CHL1: variants seen among roughly 807,000 people sequenced by gnomAD.
CHL1 encodes the protein neural cell adhesion molecule L1-like protein.
A neutral mutation model predicts 141.9 loss-of-function variants in CHL1; 96 were observed. The observed-to-expected ratio is 0.68, with a 90% confidence interval of 0.57 to 0.80. CHL1 has a LOEUF of 0.80. CHL1 is among the 30% of genes least tolerant of loss of function. CHL1 has a pLI of 0.00. For synonymous variants in CHL1, 613 were observed against 502.2 expected, an observed-to-expected ratio of 1.22 and a Z score of -2.95; for missense variants, 1,820 against 1,457.2, an observed-to-expected ratio of 1.25 and a Z score of -4.05.
intron 1 of CHL1, among the ~76,000 whole-genome samples, chr3:208,233 CTAT>C (rs1157514152): frequency 1.3e-5 from 2 of 152,188 alleles, no homozygotes; most frequent in African/African-American, 2.4e-5. Context: ...AAGGTGCCAG[CTAT>C]TATTATTACT....
Position 399,102 on chromosome 3 carries a change from A to T in CHL1, c.3339A>T (p.Leu1113Phe). 1.2e-6 allele frequency: 2 copies of T among 1,608,626 alleles called. No homozygotes were observed. The highest frequency in any genetic ancestry group is 1.7e-6 in the Non-Finnish European group (2 of 1,175,020). Reference protein sequence around the residue: ...MCAIALLTLLLLTVCFVKRNR... With the variant: ...MCAIALLTLLFLTVCFVKRNR... ...CGATTGCTCTTCTCACACTACTATTATTAACTGTTTGCTTTGTGAAGAGGA... is the reference window on the plus strand; with the variant it reads ...CGATTGCTCTTCTCACACTACTATTTTTAACTGTTTGCTTTGTGAAGAGGA... The change falls in exon 26 of 28, where the codon TTA (leucine) becomes TTT (phenylalanine). Residue 1113 changes from leucine (L) to phenylalanine (F), a missense_variant. By Grantham distance (22) the Leu-to-Phe change is conservative. Coordinates refer to ENST00000256509, the MANE Select transcript of CHL1 (RefSeq NM_006614.4).
At chr3:211,521 G>A (rs779566304) in intron 1 of CHL1, among the ~76,000 whole-genome samples, 8 of 152,098 alleles carry the variant, frequency 5.3e-5, no homozygotes, top group Admixed American at 1.3e-4. Context: ...CTACTTCTCT[G>A]TTTCTCCAGA....
chr3:375,879 A>T (rs146601598), intron 15 of CHL1, among the ~76,000 whole-genome samples: 1 of 152,322 alleles, frequency 6.6e-6, no homozygotes, highest in Non-Finnish European at 1.5e-5. Context: ...TCGTTTTGTC[A>T]TAGTGCCTTC....
At chr3:225,444 G>A (rs1701229682) in intron 1 of CHL1, among the ~76,000 whole-genome samples, 2 of 152,188 alleles carry the variant, frequency 1.3e-5, no homozygotes, top group African/African-American at 4.8e-5. Context: ...AAATTAGAGA[G>A]ACATCCAATA....
intron 1 of CHL1, chr3:213,382 T>C (rs954838308): frequency 1.3e-5 from 2 of 152,198 alleles, no homozygotes; most frequent in African/African-American, 4.8e-5. Context: ...TGTTCCCACA[T>C]ATGAACATTA....
chr3:296,487 C>A (rs1480255362), intron 2 of CHL1, among the ~76,000 whole-genome samples: 2 of 151,858 alleles, frequency 1.3e-5, no homozygotes, highest in Non-Finnish European at 2.9e-5. Flanking sequence ...CTGACCTCTT[C>A]ATGAATTTAG....
chr3:250,361 G>T (rs113622022), intron 2 of CHL1, among the ~76,000 whole-genome samples: 6 of 152,240 alleles, frequency 3.9e-5, no homozygotes, highest in Non-Finnish European at 4.4e-5. Context: ...TTAACTAAGG[G>T]TGATAAATTG....
At position 399,079 on chromosome 3, in the gene CHL1, A is replaced by G. The variant is rs766974177; in HGVS notation, c.3316A>G (p.Ile1106Val). ...QGWFIGLMCA[I>V]ALLTLLLLTV... ...CTGGTTTATTGGACTGATGTGTGCG[A>G]TTGCTCTTCTCACACTACTATTATT... The change falls in exon 26 of 28, where the codon ATT (isoleucine) becomes GTT (valine). Residue 1106 changes from isoleucine (I) to valine (V), a missense_variant. By Grantham distance (29) the Ile-to-Val change is conservative. Transcript: ENST00000256509. The G allele has an allele frequency of 3.1e-6, 5 of 1,608,238 alleles. No homozygotes were observed. The South Asian group carries it at 4.4e-5, about 14-fold the overall frequency.
chr3:305,191 G>A (rs1021893706), intron 2 of CHL1, among the ~76,000 whole-genome samples: 7 of 152,092 alleles, frequency 4.6e-5, no homozygotes, highest in African/African-American at 1.7e-4. Flanking sequence ...AAGGAAGAAA[G>A]TATCATGGCT....
At chr3:321,854 G>T (rs1488560272) in intron 3 of CHL1, among the ~76,000 whole-genome samples, 1 of 151,984 alleles carries the variant, frequency 6.6e-6, no homozygotes, top group African/African-American at 2.4e-5. Flanking sequence ...CAAGGAGTCT[G>T]GTGTCTCTGT....
At chr3:307,285 C>G (rs1699324694) in intron 2 of CHL1, among the ~76,000 whole-genome samples, 4 of 152,176 alleles carry the variant, frequency 2.6e-5, no homozygotes, top group Admixed American at 2.0e-4. Context: ...TACACATATG[C>G]TCATAAGTAT....
intron 23 of CHL1, among the ~76,000 whole-genome samples, chr3:394,210 G>A (rs797022665): frequency 7.9e-5 from 12 of 152,252 alleles, no homozygotes; most frequent in African/African-American, 2.9e-4. Context: ...TGTATACTGA[G>A]TAGCTATTTG....
intron 10 of CHL1, among the ~76,000 whole-genome samples, chr3:354,109 C>T (rs1191095195): frequency 1.3e-5 from 2 of 152,080 alleles, no homozygotes; most frequent in Non-Finnish European, 2.9e-5. Context: ...TACAAAAAAA[C>T]TCTAGGAAAT....
At chr3:274,182 A>C (rs543588777) in intron 2 of CHL1, among the ~76,000 whole-genome samples, 4 of 152,190 alleles carry the variant, frequency 2.6e-5, no homozygotes, top group African/African-American at 9.6e-5. Context: ...TAACCTATAC[A>C]TCCTCCCAAA....
At chr3:401,794 A>ATTGTAGTTATG in intron 27 of CHL1, 96 bp downstream of exon 27, 1 of 704,826 alleles carries the variant, frequency 1.4e-6, no homozygotes, top group Non-Finnish European at 2.3e-6. Context: ...AAAAGGTTAC[A>ATTGTAGTTATG]TAACTACAAT....
chr3:266,989 C>T (rs1695211741), intron 2 of CHL1, among the ~76,000 whole-genome samples: 1 of 152,136 alleles, frequency 6.6e-6, no homozygotes, highest in African/African-American at 2.4e-5. Flanking sequence ...CACGTGTCAG[C>T]ACCTCCATAA....
chr3:393,140 G>A (rs1708376887), intron 23 of CHL1, among the ~76,000 whole-genome samples: 1 of 151,682 alleles, frequency 6.6e-6, no homozygotes, highest in Admixed American at 6.6e-5. Context: ...GGCTGAGGCA[G>A]GAGAATGGCG....
intron 1 of CHL1, among the ~76,000 whole-genome samples, chr3:204,333 T>A (rs1699222661): frequency 6.6e-6 from 1 of 152,236 alleles, no homozygotes; most frequent in Non-Finnish European, 1.5e-5. Context: ...TACACTCAAA[T>A]GTCAGTCTGG....
At chr3:355,394 A>T (rs1703623336) in intron 11 of CHL1, among the ~76,000 whole-genome samples, 1 of 152,226 alleles carries the variant, frequency 6.6e-6, no homozygotes, top group Non-Finnish European at 1.5e-5. Flanking sequence ...GGGGAAAGAC[A>T]GGAATGGCCC....
Sources: allele counts gnomAD v4.1 joint callset (sites outside exome capture counted in the v4.1 genomes callset), GRCh38; gene constraint gnomAD v4.1.1; transcripts MANE v1.5; gene names NCBI Gene and HGNC (gene_info 2026-07-23, HGNC 2026-07-21).